The following KCNT2 variants were observed in gnomAD, a reference collection of about 807,000 sequenced individuals.
KCNT2 encodes the protein potassium sodium-activated channel subfamily T member 2.
In KCNT2, 67 loss-of-function variants were observed where a neutral mutation model predicts 153.8. The ratio of observed to expected loss-of-function variants is 0.44; its 90% CI spans 0.36 to 0.53. The LOEUF is 0.53. KCNT2 is among the 20% of genes least tolerant of loss of function. The pLI is 0.00. For missense variants in KCNT2, 975 were observed against 1,354.8 expected, an observed-to-expected ratio of 0.72 and a Z score of 4.40; for synonymous variants, 500 against 458.8, an observed-to-expected ratio of 1.09 and a Z score of -1.15.
chr1:196,288,523 G>T (rs1239723300), intron 22 of KCNT2, among the ~76,000 whole-genome samples: 1 of 152,072 alleles, frequency 6.6e-6, no homozygotes, highest in Non-Finnish European at 1.5e-5. Flanking sequence ...GCTTGTGAAT[G>T]AGGAGGTGGC....
intron 19 of KCNT2, among the ~76,000 whole-genome samples, chr1:196,321,664 C>A (rs1415544322): frequency 6.6e-6 from 1 of 151,864 alleles, no homozygotes; most frequent in African/African-American, 2.4e-5. Context: ...ATGAAGTCAC[C>A]TGAACCCTAC....
At chr1:196,465,486 G>A in intron 7 of KCNT2, 99 bp from the exon 8 acceptor site, 1 of 720,452 alleles carries the variant, frequency 1.4e-6, no homozygotes, top group Non-Finnish European at 2.5e-6. Flanking sequence ...CAACTCTCCT[G>A]TACACATACA....
chr1:196,505,137 T>C (rs988769389), intron 1 of KCNT2, among the ~76,000 whole-genome samples: 3 of 152,132 alleles, frequency 2.0e-5, no homozygotes, highest in Admixed American at 2.0e-4. Flanking sequence ...GCTTTTGGTG[T>C]TGTAGACATG....
In KCNT2 at chr1:196,573,038, G is replaced by A. The variant is rs74760640; in HGVS notation, c.95+35177C>T. On this transcript the variant is annotated intron_variant, in intron 1 of 27. Transcript: ENST00000294725. ...CTTCGGGATTTTAAAAAATTTGGAT[G>A]GTTTTGAATTGGCACACAACAGATA... Among the ~76,000 whole-genome samples, 899 of 152,100 alleles carry A rather than the reference G, an allele frequency of 5.9e-3. 6 individuals are homozygous for A. The highest frequency in any genetic ancestry group is 0.021 in the African/African-American group (851 of 41,502).
At chr1:196,456,213 T>C (rs1422352990) in intron 8 of KCNT2, among the ~76,000 whole-genome samples, 1 of 152,010 alleles carries the variant, frequency 6.6e-6, no homozygotes, top group African/African-American at 2.4e-5. Flanking sequence ...GGAGTCTTTC[T>C]TGCACTTTGC....
chr1:196,240,131 T>C (rs1292961316), intron 26 of KCNT2, among the ~76,000 whole-genome samples: 1 of 152,088 alleles, frequency 6.6e-6, no homozygotes, highest in Non-Finnish European at 1.5e-5. Context: ...TGAAAACACA[T>C]ATCCATTGTA....
At chr1:196,342,368 T>G in intron 14 of KCNT2, 140 bp from the exon 15 acceptor site, 1 of 516,912 alleles carries the variant, frequency 1.9e-6, no homozygotes, top group Non-Finnish European at 3.1e-6. Context: ...GAGTAATGCT[T>G]TGAAGTCTGA....
At chr1:196,464,899 A>G (rs1363761032) in intron 8 of KCNT2, among the ~76,000 whole-genome samples, 1 of 152,000 alleles carries the variant, frequency 6.6e-6, no homozygotes, top group Non-Finnish European at 1.5e-5. Flanking sequence ...AGGCAGAAGC[A>G]GTGATTGGTA....
At chr1:196,546,598 C>T (rs1301750810) in intron 1 of KCNT2, among the ~76,000 whole-genome samples, 3 of 151,874 alleles carry the variant, frequency 2.0e-5, no homozygotes, top group Non-Finnish European at 4.4e-5. Context: ...TCAAAAGCAA[C>T]AGTAGTATAA....
intron 25 of KCNT2, among the ~76,000 whole-genome samples, chr1:196,271,036 C>A (rs554095467): frequency 1.3e-5 from 2 of 151,208 alleles, no homozygotes; most frequent in East Asian, 1.9e-4. Context: ...ACACACACAA[C>A]CACACACACA....
chr1:196,462,382 G>C (rs1677226501), intron 8 of KCNT2, among the ~76,000 whole-genome samples: 1 of 151,692 alleles, frequency 6.6e-6, no homozygotes, highest in African/African-American at 2.4e-5. Context: ...GAGATAATGA[G>C]AGACTCAAGT....
chr1:196,269,357 A>ATGTGTGTG lies in KCNT2; in HGVS notation c.2911-10871_2911-10864dup, dbSNP rs142861067. Among the ~76,000 whole-genome samples the ATGTGTGTG allele has an allele frequency of 5.3e-5, 8 of 150,530 alleles. No homozygotes were observed. The East Asian group carries it at 1.6e-3, about 29-fold the overall frequency. Reference sequence around the variant, plus strand: ...GGTTTCAACATGCGAGTGTGTGTATATGTGTGTGTGTGTGTGTGCATGTAC... The same window carrying ATGTGTGTG: ...GGTTTCAACATGCGAGTGTGTGTATATGTGTGTGTGTGTGTGTGTGTGTGTGCATGTAC... On this transcript the variant is annotated intron_variant, in intron 25 of 27. Coordinates refer to ENST00000294725, the MANE Select transcript of KCNT2 (RefSeq NM_198503.5).
intron 12 of KCNT2, among the ~76,000 whole-genome samples, chr1:196,414,155 C>A (rs534840437): frequency 1.3e-5 from 2 of 151,032 alleles, no homozygotes; most frequent in Admixed American, 6.6e-5. Flanking sequence ...CAAAGTTATG[C>A]CTAATATTAA....
At chr1:196,385,585 C>T (rs1416742740) in intron 13 of KCNT2, among the ~76,000 whole-genome samples, 1 of 151,710 alleles carries the variant, frequency 6.6e-6, no homozygotes, top group Non-Finnish European at 1.5e-5. Context: ...ATTTTATATA[C>T]AAATGCAAAA....
intron 14 of KCNT2, among the ~76,000 whole-genome samples, chr1:196,347,306 T>C (rs555720825): frequency 1.3e-5 from 2 of 152,320 alleles, no homozygotes; most frequent in South Asian, 4.1e-4. Context: ...TATATCTTAC[T>C]TTTTATATCT....
intron 12 of KCNT2, among the ~76,000 whole-genome samples, chr1:196,415,204 A>T (rs940947207): frequency 6.6e-6 from 1 of 151,892 alleles, no homozygotes; most frequent in East Asian, 1.9e-4. Flanking sequence ...AAACTGGAGA[A>T]AACATGCATT....
intron 8 of KCNT2, among the ~76,000 whole-genome samples, chr1:196,432,537 C>T (rs1374956457): frequency 1.3e-5 from 2 of 152,120 alleles, no homozygotes; most frequent in Non-Finnish European, 2.9e-5. Flanking sequence ...GACATGGAGT[C>T]AAAAAGTATT....
At chr1:196,561,925 G>C (rs1245107362) in intron 1 of KCNT2, among the ~76,000 whole-genome samples, 1 of 151,944 alleles carries the variant, frequency 6.6e-6, no homozygotes, top group Non-Finnish European at 1.5e-5. Flanking sequence ...CTGGTTGAAA[G>C]AGTTTATCTA....
intron 8 of KCNT2, among the ~76,000 whole-genome samples, chr1:196,430,779 C>T (rs562000911): frequency 6.6e-6 from 1 of 152,074 alleles, no homozygotes; most frequent in East Asian, 1.9e-4. Context: ...AATAATGCTG[C>T]TATTAACAAC....
Sources: gnomAD v4.1 joint callset for allele counts (sites outside exome capture counted in the v4.1 genomes callset) on GRCh38, gnomAD v4.1.1 for gene constraint, MANE v1.5 for transcripts, NCBI Gene and HGNC (gene_info 2026-07-23, HGNC 2026-07-21) for gene names.